The following FAT2 variants were observed in gnomAD, a reference collection of about 807,000 sequenced individuals.
FAT2 encodes the protein FAT atypical cadherin 2.
A neutral mutation model predicts 295.3 loss-of-function variants in FAT2; 150 were observed. The ratio of observed to expected loss-of-function variants is 0.51; its 90% CI spans 0.44 to 0.58. The LOEUF is 0.58. Ranked by LOEUF, FAT2 falls within the 20% of genes least tolerant of loss-of-function variation. The probability of loss-of-function intolerance (pLI) is 0.00; values close to 1 mark genes in which losing one functional copy is unlikely to be tolerated. For synonymous variants in FAT2, 2,026 were observed against 2,150.3 expected (o/e 0.94, Z 1.60); for missense variants, 4,868 against 5,442.7 (o/e 0.89, Z 3.32).
intron 9 of FAT2, among the ~76,000 whole-genome samples, chr5:151,548,605 C>T (rs58886650): frequency 0.018 from 2,746 of 152,208 alleles, 94 homozygotes; most frequent in African/African-American, 0.062. Context: ...CTCAGCCTCC[C>T]GAGTAGCTGG....
intron 1 of FAT2, among the ~76,000 whole-genome samples, chr5:151,585,361 C>T (rs1759128429): frequency 6.6e-6 from 1 of 152,218 alleles, no homozygotes; most frequent in Non-Finnish European, 1.5e-5. Flanking sequence ...CCTATAATCC[C>T]AGCACTTTGG....
At chr5:151,588,637 G>A (rs1327569043) in intron 1 of FAT2, among the ~76,000 whole-genome samples, 8 of 152,136 alleles carry the variant, frequency 5.3e-5, no homozygotes, top group Middle Eastern at 3.2e-3. Flanking sequence ...GGACCCAGGC[G>A]CCAGGGCAGT....
At position 151,539,794 on chromosome 5, in the gene FAT2, A is replaced by G. The variant is rs1755912992; in HGVS notation, c.9039+773T>C. On this transcript the variant is annotated intron_variant, in intron 11 of 23. Transcript: ENST00000261800. Reference sequence around the variant, plus strand: ...CTAGGAACACAGCTCCTCTCCTGACAAACACACATACACACCCCACTCAAC... The same window carrying G: ...CTAGGAACACAGCTCCTCTCCTGACGAACACACATACACACCCCACTCAAC... 2.6e-5 allele frequency among the ~76,000 whole-genome samples: 4 copies of G among 152,360 alleles called. No homozygotes were observed. In the South Asian group the frequency reaches 8.3e-4, roughly 32 times the overall value.
In FAT2 at chr5:151,546,348, A is replaced by T; in HGVS notation, c.4790-11T>A. The T allele has an allele frequency of 6.2e-7, 1 of 1,602,338 alleles. No individual in the cohort carries two copies. Among genetic ancestry groups the T allele is most frequent in the Non-Finnish European group, 8.5e-7 (1 of 1,173,714 alleles). On this transcript the variant is annotated splice_polypyrimidine_tract_variant and intron_variant, in intron 9 of 23. Coordinates refer to ENST00000261800, the MANE Select transcript of FAT2 (RefSeq NM_001447.3). ...AACCTTCGCTGTTCCCTGAAACAGA[A>T]GACAAGACAAACAAGTTTGCCACAC...
At chr5:151,527,873 A>G in intron 16 of FAT2, 123 bp downstream of exon 16, 1 of 1,306,842 alleles carries the variant, frequency 7.7e-7, no homozygotes, top group Non-Finnish European at 1.1e-6. Flanking sequence ...AGTGAGAGAC[A>G]TTCTGGGAAG....
chr5:151,546,993 A>T (rs1222461822), intron 9 of FAT2, among the ~76,000 whole-genome samples: 1 of 152,222 alleles, frequency 6.6e-6, no homozygotes, highest in Non-Finnish European at 1.5e-5. Context: ...GCATTCTCAC[A>T]TCACCTTTAT....
At chr5:151,576,162 T>G (rs892825550) in intron 1 of FAT2, among the ~76,000 whole-genome samples, 1 of 152,140 alleles carries the variant, frequency 6.6e-6, no homozygotes, top group Non-Finnish European at 1.5e-5. Flanking sequence ...GATCTTAATA[T>G]GTGGGCTAGA....
chr5:151,504,371 G>A lies in FAT2; in HGVS notation c.*1194C>T, dbSNP rs1760685187. The A allele has an allele frequency of 6.5e-6, 1 of 152,712 alleles. No individual in the cohort carries two copies. The highest frequency in any genetic ancestry group is 2.4e-5 in the African/African-American group (1 of 41,456). 9.5% of individuals were successfully genotyped at this position (152,712 alleles called of 1,614,324 possible). A position where few individuals can be genotyped will look rare whatever the true frequency, so the allele number is the denominator to read the frequency against. ...TGGTGAGGTCACCAAAGGCCACAGA[G>A]GCTTCTGGTCCCCACCACTCCTGGC... is the stretch of plus-strand genomic sequence containing the variant. On this transcript the variant is annotated 3_prime_UTR_variant, in exon 24 of 24. Coordinates refer to ENST00000261800, the MANE Select transcript of FAT2 (RefSeq NM_001447.3).
At chr5:151,533,228 G>A (rs1754848503) in intron 13 of FAT2, among the ~76,000 whole-genome samples, 1 of 152,232 alleles carries the variant, frequency 6.6e-6, no homozygotes, top group South Asian at 2.1e-4. Flanking sequence ...CTGGAGGTGT[G>A]TAAGCAGTGG....
At chr5:151,581,477 C>T (rs977787840) in intron 1 of FAT2, among the ~76,000 whole-genome samples, 2 of 152,182 alleles carry the variant, frequency 1.3e-5, no homozygotes, top group African/African-American at 4.8e-5. Context: ...GCTGAGCTAT[C>T]GCTAGAGGCC....
chr5:151,546,045 T>G lies in FAT2; in HGVS notation c.5082A>C (p.Leu1694Phe), dbSNP rs1373807270. The change falls in exon 10 of 24, where the codon TTA (leucine) becomes TTC (phenylalanine). Residue 1694 changes from leucine (L) to phenylalanine (F), a missense_variant. By Grantham distance (22) the Leu-to-Phe change is conservative. Transcript: ENST00000261800. The part of the protein sequence containing the change: ...AMSPSEVTYE[L>F]REGNKDGVFS... Reference sequence around the variant, plus strand: ...AGACTCCATCCTTATTTCCCTCTCTTAACTCATAGGTAACTTCAGAGGGGC... The same window carrying G: ...AGACTCCATCCTTATTTCCCTCTCTGAACTCATAGGTAACTTCAGAGGGGC... 1.2e-6 allele frequency: 2 copies of G among 1,614,052 alleles called. No homozygotes were observed. The highest frequency in any genetic ancestry group is 8.5e-7 in the Non-Finnish European group (1 of 1,180,032).
chr5:151,575,832 T>G (rs1454007723), intron 1 of FAT2, among the ~76,000 whole-genome samples: 1 of 152,242 alleles, frequency 6.6e-6, no homozygotes, highest in Admixed American at 6.5e-5. Context: ...TCTGTCTCTG[T>G]GCTGTCCAGG....
At chr5:151,538,049 C>G in intron 11 of FAT2, 103 bp from the exon 12 acceptor site, 1 of 970,296 alleles carries the variant, frequency 1.0e-6, no homozygotes, top group Non-Finnish European at 1.5e-6. Flanking sequence ...GAAAGAGAGA[C>G]ACTAAGAGGG....
At chr5:151,533,784 A>C (rs1428885556) in intron 13 of FAT2, among the ~76,000 whole-genome samples, 1 of 152,048 alleles carries the variant, frequency 6.6e-6, no homozygotes, top group East Asian at 1.9e-4. Context: ...TTAATGAGTT[A>C]TATATATGTA....
chr5:151,569,402 AC>A (rs765838970), intron 1 of FAT2, among the ~76,000 whole-genome samples: 10 of 152,136 alleles, frequency 6.6e-5, no homozygotes, highest in Admixed American at 2.6e-4. Flanking sequence ...ATTCACTATC[AC>A]GAGAACAGCA....
At chr5:151,541,821 G>A (rs1756177166) in intron 10 of FAT2, among the ~76,000 whole-genome samples, 1 of 149,402 alleles carries the variant, frequency 6.7e-6, no homozygotes, top group Non-Finnish European at 1.5e-5. Flanking sequence ...TTATATCTAA[G>A]GAAGTGCTGT....
At chr5:151,528,207 A>T in intron 15 of FAT2, 74 bp from the exon 16 acceptor site, 1 of 1,563,186 alleles carries the variant, frequency 6.4e-7, no homozygotes, top group South Asian at 1.2e-5. Flanking sequence ...GGAAACAGAT[A>T]TGTCCCTGCC....
chr5:151,545,993 T>G lies in FAT2; in HGVS notation c.5134A>C (p.Ile1712Leu). ...TGGTCCAATTTCTTCTGGGTGGAAA[T>G]AAGGCCAGAATATGAGTTCATAGAG... Reference protein sequence around the residue: ...VFSMNSYSGLISTQKKLDHEK... With the variant: ...VFSMNSYSGLLSTQKKLDHEK... Residue 1712 changes from isoleucine (I) to leucine (L), a missense_variant, in exon 10 of 24, where the codon ATT becomes CTT. Physicochemically the swap from Ile to Leu is conservative, Grantham distance 5 (BLOSUM62 2). Around this residue, in one of 5 missense-constraint regions of FAT2, gnomAD observed 3,297 missense variants for 3,669.4 expected, o/e 0.90. Coordinates refer to ENST00000261800, the MANE Select transcript of FAT2 (RefSeq NM_001447.3). 1.9e-6 allele frequency: 3 copies of G among 1,614,164 alleles called. No homozygotes were observed. Among genetic ancestry groups the G allele is most frequent in the Non-Finnish European group, 2.5e-6 (3 of 1,180,038 alleles).
intron 20 of FAT2, among the ~76,000 whole-genome samples, chr5:151,517,000 C>T (rs1306890132): frequency 3.3e-5 from 5 of 151,670 alleles, no homozygotes; most frequent in Admixed American, 6.6e-5. Flanking sequence ...CCCAACTACT[C>T]GGGAAGCTGA....
Sources: allele counts gnomAD v4.1 joint callset (sites outside exome capture counted in the v4.1 genomes callset), GRCh38; gene constraint gnomAD v4.1.1; regional missense constraint gnomAD v4.1.1; transcripts MANE v1.5; gene names NCBI Gene and HGNC (gene_info 2026-07-23, HGNC 2026-07-21).